Variants in POLR2F observed in about 807,000 individuals in gnomAD.
POLR2F encodes the protein RNA polymerase II, I and III subunit F.
A neutral mutation model predicts 22.7 loss-of-function variants in POLR2F; 12 were observed. The observed-to-expected ratio is 0.53, with a 90% confidence interval of 0.34 to 0.86. The LOEUF is 0.86. Among genes scored for constraint, POLR2F ranks in the 40% least tolerant of loss-of-function variants. The pLI is 0.02. For synonymous variants in POLR2F, 57 were observed against 66.0 expected, an observed-to-expected ratio of 0.86 and a Z score of 0.66; for missense variants, 126 against 171.5, an observed-to-expected ratio of 0.73 and a Z score of 1.48.
chr22:37,959,492 T>C lies in POLR2F; in HGVS notation c.221+16T>C, dbSNP rs199816631. 1.6e-5 allele frequency: 25 copies of C among 1,612,342 alleles called. No individual in the cohort carries two copies. Among genetic ancestry groups the C allele is most frequent in the Non-Finnish European group, 8.5e-7 (1 of 1,179,416 alleles). ...TCCAGATTGCGTGAGTGATTGCCCC[T>C]TCACTGTCTTCTCCATCTGTCAGGC... is the stretch of plus-strand genomic sequence containing the variant. On this transcript the variant is annotated intron_variant, in intron 3 of 4. Coordinates refer to ENST00000442738, the MANE Select transcript of POLR2F (RefSeq NM_021974.5).
downstream of POLR2F, among the ~76,000 whole-genome samples, chr22:38,028,924 A>T (rs551874895): frequency 3.9e-4 from 59 of 152,322 alleles, no homozygotes; most frequent in South Asian, 0.012. Flanking sequence ...ACTCCATCAC[A>T]GCTCATTGAT....
chr22:37,991,528 AT>A (rs1183414698), intron 1 of POLR2F, among the ~76,000 whole-genome samples: 2 of 152,252 alleles, frequency 1.3e-5, no homozygotes, highest in Non-Finnish European at 2.9e-5. Context: ...TCTTTAAAAT[AT>A]TTAATATGAA....
At chr22:38,023,059 A>G (rs2084975049) in intron 1 of POLR2F, among the ~76,000 whole-genome samples, 1 of 152,150 alleles carries the variant, frequency 6.6e-6, no homozygotes, top group African/African-American at 2.4e-5. Context: ...AGAAATAAGC[A>G]TTGAGATTCT....
chr22:38,034,950 G>A (rs562860411), intron 5 of POLR2F, among the ~76,000 whole-genome samples: 1 of 126,450 alleles, frequency 7.9e-6, no homozygotes, highest in South Asian at 2.6e-4. Context: ...ACCCCACCTT[G>A]CTAGCCAGGG....
chr22:38,025,700 C>T, intron 1 of POLR2F: 1 of 1,535,344 alleles, frequency 6.5e-7, no homozygotes, highest in Non-Finnish European at 8.7e-7. Context: ...TGGATATCAT[C>T]ACCCCATTGT....
At chr22:37,954,472 G>C (rs1931280607) in intron 1 of POLR2F, among the ~76,000 whole-genome samples, 1 of 152,070 alleles carries the variant, frequency 6.6e-6, no homozygotes, top group African/African-American at 2.4e-5. Context: ...CTTGCTAATT[G>C]CTTGTAGTTT....
At chr22:38,019,412 G>A (rs946465200) in intron 1 of POLR2F, among the ~76,000 whole-genome samples, 13 of 152,322 alleles carry the variant, frequency 8.5e-5, no homozygotes, top group African/African-American at 2.9e-4. Context: ...GGAGCAGCCC[G>A]CCCTGGAGCA....
At chr22:37,983,895 C>A, upstream of POLR2F, 1 of 942,418 alleles carries the variant, frequency 1.1e-6, no homozygotes, top group Non-Finnish European at 1.4e-6. The surrounding 1 kb of genome is among the most constrained non-coding windows in gnomAD (Gnocchi z 9.5). Context: ...CGCGATGGAG[C>A]GGCCGCGCGC....
chr22:38,025,631 C>A, intron 1 of POLR2F: 1 of 1,561,176 alleles, frequency 6.4e-7, no homozygotes, highest in South Asian at 1.2e-5. Flanking sequence ...CGCACTGGCC[C>A]ACAGCCTAGG....
chr22:38,014,359 T>A (rs865836905), intron 1 of POLR2F, among the ~76,000 whole-genome samples: 28 of 151,326 alleles, frequency 1.9e-4, no homozygotes, highest in Middle Eastern at 6.8e-3. Context: ...TTTTTATTTT[T>A]TTTTTTTTGA....
At position 37,979,597 on chromosome 22, in the gene POLR2F, CAG is replaced by C. The variant is rs1266617415; in HGVS notation, c.293+12432_293+12433del. Among the ~76,000 whole-genome samples the C allele has an allele frequency of 2.0e-5, 3 of 152,022 alleles. No individual in the cohort carries two copies. In the East Asian group the frequency reaches 5.8e-4, roughly 29 times the overall value. ...TCCTATATCCTTGTCCAGAAAATAG[CAG>C]AGAGTAGAGGAAGCTAGCCTCTCCT... is the stretch of plus-strand genomic sequence containing the variant. On this transcript the variant is annotated intron_variant, in intron 4 of 4. Coordinates refer to the POLR2F transcript ENST00000405557.
intron 2 of POLR2F, among the ~76,000 whole-genome samples, chr22:37,957,688 C>T (rs1931455132): frequency 6.6e-6 from 1 of 152,116 alleles, no homozygotes; most frequent in African/African-American, 2.4e-5. Flanking sequence ...TAGATTGTGC[C>T]TCCTAGATGT....
downstream of POLR2F, chr22:37,973,699 C>T: frequency 1.2e-6 from 2 of 1,608,470 alleles, no homozygotes; most frequent in Non-Finnish European, 1.7e-6. Context: ...AGTAGTCAAA[C>T]TGGGGGCGGG....
At chr22:38,026,547 C>CCGCCT in exon 3 of POLR2F, 1 of 342,212 alleles carries the variant, frequency 2.9e-6, no homozygotes. Flanking sequence ...TCTTTCCCCA[C>CCGCCT]CGCCTCTCTC....
chr22:38,009,835 G>T (rs1163080823), intron 1 of POLR2F, among the ~76,000 whole-genome samples: 1 of 152,152 alleles, frequency 6.6e-6, no homozygotes, highest in African/African-American at 2.4e-5. Flanking sequence ...TATCCATGTT[G>T]TTGTGTGTAT....
downstream of POLR2F, chr22:37,974,309 A>T: frequency 1.3e-6 from 1 of 792,164 alleles, no homozygotes; most frequent in Non-Finnish European, 2.0e-6. The surrounding 1 kb of genome is among the most constrained non-coding windows in gnomAD (Gnocchi z 5.4). Flanking sequence ...GCCTCTGGGA[A>T]AACCTTGTAA....
chr22:37,990,408 T>G (rs1932700953), intron 1 of POLR2F, among the ~76,000 whole-genome samples: 1 of 152,226 alleles, frequency 6.6e-6, no homozygotes, highest in African/African-American at 2.4e-5. Flanking sequence ...TGGCCTCTGC[T>G]CTCTTCTGAG....
intron 1 of POLR2F, among the ~76,000 whole-genome samples, chr22:38,007,310 T>C (rs923094767): frequency 6.6e-6 from 1 of 151,556 alleles, no homozygotes; most frequent in Non-Finnish European, 1.5e-5. Flanking sequence ...AGAGGGAGAG[T>C]GGGCTCAGCC....
At chr22:38,030,047 C>G (rs1413782614), downstream of POLR2F, among the ~76,000 whole-genome samples, 1 of 152,220 alleles carries the variant, frequency 6.6e-6, no homozygotes, top group East Asian at 1.9e-4. Flanking sequence ...CAAGCATCAT[C>G]TGTTCTTGTT....
Sources: gnomAD v4.1 joint callset for allele counts (sites outside exome capture counted in the v4.1 genomes callset) on GRCh38, gnomAD v4.1.1 for gene constraint, Gnocchi (gnomAD v3.1) non-coding constraint, MANE v1.5 for transcripts, NCBI Gene and HGNC (gene_info 2026-07-23, HGNC 2026-07-21) for gene names.